The following KDM4A variants were observed in gnomAD, a reference collection of about 807,000 sequenced individuals.
The protein encoded by KDM4A is lysine-specific demethylase 4A.
In KDM4A, 23 loss-of-function variants were observed where a neutral mutation model predicts 127.1. The ratio of observed to expected loss-of-function variants is 0.18; its 90% CI spans 0.13 to 0.26. KDM4A has a LOEUF of 0.26. KDM4A is among the 10% of genes least tolerant of loss of function. The probability of loss-of-function intolerance (pLI) is 1.00; values close to 1 mark genes in which losing one functional copy is unlikely to be tolerated. For synonymous variants in KDM4A, 443 were observed against 466.5 expected, an observed-to-expected ratio of 0.95 and a Z score of 0.65; for missense variants, 890 against 1,329.1, an observed-to-expected ratio of 0.67 and a Z score of 5.14.
At chr1:43,681,964 T>C (rs1299892936) in intron 11 of KDM4A, among the ~76,000 whole-genome samples, 1 of 152,120 alleles carries the variant, frequency 6.6e-6, no homozygotes, top group African/African-American at 2.4e-5. Context: ...AAGAACCCTT[T>C]TACTTACTTA....
rs1393307594 is a variant in KDM4A at position 43,703,343 on chromosome 1, C to T, written c.2842-274C>T. Reference sequence around the variant, plus strand: ...AACAGTTGAGGGAATGTAAGAAGGACTCTTGATTCTGGCACTTAACTCCTG... The same window carrying T: ...AACAGTTGAGGGAATGTAAGAAGGATTCTTGATTCTGGCACTTAACTCCTG... On this transcript the variant is annotated intron_variant, in intron 19 of 21. Coordinates refer to ENST00000372396, the MANE Select transcript of KDM4A (RefSeq NM_014663.3). 15 of 311,276 alleles carry T rather than the reference C, an allele frequency of 4.8e-5. No individual in the cohort carries two copies. The South Asian group carries it at 6.0e-4, about 12-fold the overall frequency. The allele number at this position is 311,276 out of a possible 1,614,324, so 19.3% of individuals were successfully genotyped here.
chr1:43,690,757 A>G, intron 13 of KDM4A, 88 bp from the exon 14 acceptor site: 1 of 1,245,790 alleles, frequency 8.0e-7, no homozygotes, highest in Non-Finnish European at 1.2e-6. Context: ...GATCGGTAAG[A>G]GAGCCAGCTT....
In KDM4A at chr1:43,669,262, C is replaced by G. The variant is rs781237552; in HGVS notation, c.1326C>G (p.Ser442Arg). The G allele has an allele frequency of 1.2e-6, 2 of 1,614,216 alleles. No homozygotes were observed. The highest frequency in any genetic ancestry group is 3.3e-5 in the Admixed American group (2 of 60,030). ...AALAPVRPTH[S>R]SVRQVEDGLT... is the part of the protein sequence containing the mutation. ...TCGCCCCTGTGAGGCCCACCCATAG[C>G]TCTGTGCGGCAAGTTGAGGATGGTC... Residue 442 changes from serine (S) to arginine (R), a missense_variant, in exon 10 of 22, where the codon AGC becomes AGG. Around this residue, in one of 7 missense-constraint regions of KDM4A, gnomAD observed 389 missense variants for 485.9 expected, o/e 0.80. Transcript: ENST00000372396.
At chr1:43,665,067 G>T (rs1455934221) in intron 5 of KDM4A, among the ~76,000 whole-genome samples, 1 of 152,202 alleles carries the variant, frequency 6.6e-6, no homozygotes, top group African/African-American at 2.4e-5. Flanking sequence ...TTTTGCAAAA[G>T]TTTAATAGTC....
intron 6 of KDM4A, 146 bp from the exon 7 acceptor site, chr1:43,666,306 G>A: frequency 1.6e-6 from 1 of 632,832 alleles, no homozygotes; most frequent in Non-Finnish European, 2.8e-6. Context: ...TCTTAGAATT[G>A]GTGCGGAGCT....
intron 11 of KDM4A, among the ~76,000 whole-genome samples, chr1:43,680,739 C>T (rs1660838812): frequency 6.6e-6 from 1 of 152,252 alleles, no homozygotes; most frequent in Admixed American, 6.5e-5. Context: ...GGCATCACAT[C>T]ACTCGGACAG....
chr1:43,653,445 A>C, intron 2 of KDM4A, 132 bp downstream of exon 2: 1 of 773,762 alleles, frequency 1.3e-6, no homozygotes, highest in Admixed American at 3.0e-5. Context: ...ATGCGGTTCT[A>C]TTTGCAAGTT....
At chr1:43,686,417 A>G (rs1400674497) in intron 12 of KDM4A, among the ~76,000 whole-genome samples, 1 of 151,360 alleles carries the variant, frequency 6.6e-6, no homozygotes, top group Non-Finnish European at 1.5e-5. Flanking sequence ...GCTCACTGCA[A>G]CCTCTGCCTC....
At position 43,690,518 on chromosome 1, in the gene KDM4A, A is replaced by G. The variant is rs140060226; in HGVS notation, c.2038-327A>G. On this transcript the variant is annotated intron_variant, in intron 13 of 21. Transcript: ENST00000372396. ...CCGCCTCGGCCTCCCGAAGTGCTGG[A>G]ATTACAGGCGTGAGCCACCTCACCT... The G allele has an allele frequency of 4.1e-3, 1,543 of 380,412 alleles. 20 individuals are homozygous for G. Among genetic ancestry groups the G allele is most frequent in the African/African-American group, 0.029 (1,409 of 48,350 alleles). The allele number at this position is 380,412 out of a possible 1,614,324, so 23.6% of individuals were successfully genotyped here.
chr1:43,650,257 G>A lies in KDM4A; in HGVS notation c.-40+5G>A, dbSNP rs1660079230. 1 of 145,994 alleles carries A rather than the reference G, an allele frequency of 6.8e-6. No homozygotes were observed. Among genetic ancestry groups the A allele is most frequent in the Non-Finnish European group, 1.5e-5 (1 of 66,794 alleles). The allele number at this position is 145,994 out of a possible 1,614,324, so 9.0% of individuals were successfully genotyped here. ...TGGCGGGGCTTTGGGCTGTAGGTGA[G>A]AACTATAGGGTTTTGGAATTCTCGA... On this transcript the variant is annotated splice_donor_5th_base_variant and intron_variant, in intron 1 of 21. Coordinates refer to ENST00000372396, the MANE Select transcript of KDM4A (RefSeq NM_014663.3).
chr1:43,656,478 C>G (rs1453439042), intron 3 of KDM4A, among the ~76,000 whole-genome samples: 1 of 151,180 alleles, frequency 6.6e-6, no homozygotes. Context: ...GCTGGGACTA[C>G]AGGCACGCGC....
At chr1:43,692,131 G>T in intron 15 of KDM4A, 125 bp from the exon 16 acceptor site, 1 of 865,328 alleles carries the variant, frequency 1.2e-6, no homozygotes, top group Non-Finnish European at 2.0e-6. Flanking sequence ...CCTGGGTGAA[G>T]CCCCACATGC....
intron 1 of KDM4A, chr1:43,650,684 G>C (rs547735954): frequency 6.6e-6 from 1 of 152,324 alleles, no homozygotes; most frequent in Non-Finnish European, 1.5e-5. Context: ...GGTAAGTACC[G>C]GGCCTAGTGC....
intron 12 of KDM4A, among the ~76,000 whole-genome samples, chr1:43,686,840 G>T (rs1362486203): frequency 6.6e-6 from 1 of 152,142 alleles, no homozygotes; most frequent in Non-Finnish European, 1.5e-5. Context: ...TCAGTGATAT[G>T]CACACATTTT....
At chr1:43,664,490 G>A (rs1328882387) in intron 5 of KDM4A, among the ~76,000 whole-genome samples, 1 of 152,170 alleles carries the variant, frequency 6.6e-6, no homozygotes, top group Non-Finnish European at 1.5e-5. Flanking sequence ...ACGATGAGAA[G>A]TGAGTGATGA....
intron 3 of KDM4A, among the ~76,000 whole-genome samples, chr1:43,657,210 A>ATT (rs986351864): frequency 1.4e-5 from 2 of 145,078 alleles, no homozygotes; most frequent in Non-Finnish European, 3.0e-5. Flanking sequence ...CCTTTTATTT[A>ATT]TTTTTTTTTT....
In KDM4A at chr1:43,704,415, AC is replaced by A. The variant is rs773213981; in HGVS notation, c.*46del. ...GATTCTCAGCCATCCAGGCAAGAGC[AC>A]TCTGGGTTCCACAGCACAGCAGACA... On this transcript the variant is annotated 3_prime_UTR_variant, in exon 22 of 22. Transcript: ENST00000372396. 219 of 1,583,890 alleles carry A rather than the reference AC, an allele frequency of 1.4e-4. 1 individual carries two copies. The highest frequency in any genetic ancestry group is 1.8e-4 in the Non-Finnish European group (213 of 1,164,788).
intron 11 of KDM4A, among the ~76,000 whole-genome samples, chr1:43,675,141 C>T (rs923095855): frequency 1.3e-5 from 2 of 152,196 alleles, no homozygotes; most frequent in African/African-American, 2.4e-5. Flanking sequence ...TAATAAATAA[C>T]CCTCTCTGCT....
chr1:43,703,828 G>T, intron 20 of KDM4A, 92 bp downstream of exon 20: 1 of 1,536,394 alleles, frequency 6.5e-7, no homozygotes, highest in Non-Finnish European at 8.9e-7. Context: ...GCTCTTAGGA[G>T]AACTAATAGG....
Sources: allele counts gnomAD v4.1 joint callset (sites outside exome capture counted in the v4.1 genomes callset), GRCh38; gene constraint gnomAD v4.1.1; regional missense constraint gnomAD v4.1.1; transcripts MANE v1.5; gene names NCBI Gene and HGNC (gene_info 2026-07-23, HGNC 2026-07-21).